The following ZNF30 variants were observed in gnomAD, a reference collection of about 807,000 sequenced individuals.
The protein encoded by ZNF30 is zinc finger protein 30 (KOX 28).
Under a neutral mutation model 13.2 loss-of-function variants are expected in ZNF30, and 15 were observed. The observed-to-expected ratio is 1.13, with a 90% CI of 0.76 to 1.75. The LOEUF (loss-of-function observed/expected upper bound fraction) is 1.75. ZNF30 is among the 40% of genes most tolerant of loss of function. ZNF30 has a pLI of 0.00. For missense variants in ZNF30, 726 were observed against 757.0 expected (o/e 0.96, Z 0.48); for synonymous variants, 223 against 256.6 (o/e 0.87, Z 1.25).
chr19:34,935,445 A>G (rs994354146), intron 4 of ZNF30, among the ~76,000 whole-genome samples: 75 of 152,048 alleles, frequency 4.9e-4, no homozygotes, highest in African/African-American at 1.7e-3. Flanking sequence ...AGCCACTTCA[A>G]ACTTTGCCAG....
At chr19:34,929,491 T>A (rs748100752) in intron 1 of ZNF30, among the ~76,000 whole-genome samples, 6 of 152,212 alleles carry the variant, frequency 3.9e-5, no homozygotes, top group Non-Finnish European at 8.8e-5. Flanking sequence ...CTCCCGTGTC[T>A]TGACCAACCT....
At chr19:34,925,754 T>G (rs902773666), upstream of ZNF30, among the ~76,000 whole-genome samples, 5 of 152,070 alleles carry the variant, frequency 3.3e-5, no homozygotes, top group Non-Finnish European at 7.4e-5. Context: ...AGCACCTCCC[T>G]TTCCCCCTTC....
chr19:34,928,252 TATAGATAG>T (rs61316053), intron 1 of ZNF30, among the ~76,000 whole-genome samples: 85 of 56,502 alleles, frequency 1.5e-3, no homozygotes, highest in South Asian at 9.9e-3. Context: ...TATATATATA[TATAGATAG>T]ATAGATAGAT....
At chr19:34,932,063 G>A in intron 3 of ZNF30, 70 bp downstream of exon 3, 1 of 1,379,670 alleles carries the variant, frequency 7.2e-7, no homozygotes, top group Non-Finnish European at 9.6e-7. Flanking sequence ...AGATTTTAGG[G>A]CTAGCTTAAG....
chr19:34,937,996 A>T (rs1282257128), intron 4 of ZNF30, among the ~76,000 whole-genome samples: 1 of 152,092 alleles, frequency 6.6e-6, no homozygotes, highest in Non-Finnish European at 1.5e-5. Context: ...GGGTTTCATC[A>T]TGTTGTCCAG....
At chr19:34,923,890 T>C (rs999428378), upstream of ZNF30, 1 of 152,214 alleles carries the variant, frequency 6.6e-6, no homozygotes. Context: ...GATAAACGTA[T>C]GGAACTTAGA....
At position 34,927,556 on chromosome 19, in the gene ZNF30, T is replaced by C. The variant is rs554887151; in HGVS notation, c.-65+340T>C. Among the ~76,000 whole-genome samples the C allele has an allele frequency of 6.8e-4, 104 of 152,346 alleles. 1 individual carries two copies. The highest frequency in any genetic ancestry group is 8.8e-5 in the Non-Finnish European group (6 of 68,036). On this transcript the variant is annotated intron_variant, in intron 1 of 4. Coordinates refer to ENST00000601142, the MANE Select transcript of ZNF30 (RefSeq NM_194325.3). ...ACACCTTTTAAAGATGAGAGCAATG[T>C]CATCTGAAAATTATCAGTGCAGGGA...
intron 4 of ZNF30, among the ~76,000 whole-genome samples, chr19:34,940,973 T>C (rs1568542781): frequency 6.6e-6 from 1 of 152,230 alleles, no homozygotes. Flanking sequence ...TTTAGAGTTT[T>C]TAAAGATTTC....
Position 34,943,965 on chromosome 19 carries a change from A to G in ZNF30, c.999A>G (p.Arg333=). ...KSFTVYGQLT[R]HQSIHTGEKP... Reference sequence around the variant, plus strand: ...TCACTGTGTATGGACAGCTTACTCGACATCAGAGTATTCATACTGGTGAGA... The same window carrying G: ...TCACTGTGTATGGACAGCTTACTCGGCATCAGAGTATTCATACTGGTGAGA... Residue 333 remains arginine, a synonymous_variant, in exon 5 of 5, where the codon CGA becomes CGG. Transcript: ENST00000601142. 6.2e-7 allele frequency: 1 copy of G among 1,613,866 alleles called. No individual in the cohort carries two copies. Among genetic ancestry groups the G allele is most frequent in the Non-Finnish European group, 8.5e-7 (1 of 1,179,958 alleles).
intron 1 of ZNF30, among the ~76,000 whole-genome samples, chr19:34,928,252 T>TATATATATATAG (rs1325117057): frequency 1.6e-3 from 88 of 56,474 alleles, no homozygotes; most frequent in South Asian, 2.0e-3. Context: ...TATATATATA[T>TATATATATATAG]ATAGATAGAT....
At chr19:34,926,298 G>C (rs1359358941), upstream of ZNF30, among the ~76,000 whole-genome samples, 1 of 152,252 alleles carries the variant, frequency 6.6e-6, no homozygotes, top group Non-Finnish European at 1.5e-5. Context: ...GCTACAGGCA[G>C]CTAATACAGA....
chr19:34,924,310 C>A (rs1040509679), upstream of ZNF30, among the ~76,000 whole-genome samples: 8 of 151,908 alleles, frequency 5.3e-5, no homozygotes, highest in South Asian at 2.1e-4. Flanking sequence ...TTAAAAATTT[C>A]TTTGACATTC....
intron 4 of ZNF30, among the ~76,000 whole-genome samples, chr19:34,940,667 C>CAAAA (rs59553578): frequency 1.3e-3 from 80 of 63,830 alleles, no homozygotes; most frequent in East Asian, 2.2e-3. Context: ...GACTCCGTCT[C>CAAAA]AAAAAAAAAA....
chr19:34,935,099 C>T (rs1042669698), intron 4 of ZNF30, among the ~76,000 whole-genome samples: 3 of 151,780 alleles, frequency 2.0e-5, no homozygotes, highest in East Asian at 1.9e-4. Context: ...GGCGTGGTGG[C>T]GGGCGCCTGT....
chr19:34,942,293 A>G (rs2151674889), intron 4 of ZNF30, among the ~76,000 whole-genome samples: 1 of 152,176 alleles, frequency 6.6e-6, no homozygotes, highest in African/African-American at 2.4e-5. Context: ...AATTACAAAA[A>G]AATTAGCTGG....
chr19:34,937,727 A>AG lies in ZNF30; in HGVS notation c.256+4004_256+4005insG, dbSNP rs1568540766. Among the ~76,000 whole-genome samples the AG allele has an allele frequency of 3.1e-3, 460 of 150,636 alleles. 4 individuals carry two copies. The highest frequency in any genetic ancestry group is 0.01 in the African/African-American group (419 of 40,904). On this transcript the variant is annotated intron_variant, in intron 4 of 4. Coordinates refer to ENST00000601142, the MANE Select transcript of ZNF30 (RefSeq NM_194325.3). ...CAGAGCAAGACCCCATCTCTTAAAA[A>AG]TAAAAAAAAAAAATAGAAGAATGAT...
intron 1 of ZNF30, among the ~76,000 whole-genome samples, chr19:34,928,252 T>TATATATATATATAGATAGATAG (rs1325117057): frequency 3.5e-5 from 2 of 56,576 alleles, no homozygotes; most frequent in Non-Finnish European, 6.0e-5. Flanking sequence ...TATATATATA[T>TATATATATATATAGATAGATAG]ATAGATAGAT....
chr19:34,928,244 T>TAGATAGATAG (rs71165692), intron 1 of ZNF30, among the ~76,000 whole-genome samples: 1 of 54,366 alleles, frequency 1.8e-5, no homozygotes, highest in Admixed American at 1.4e-4. Context: ...TATATATATA[T>TAGATAGATAG]ATATATATAT....
chr19:34,928,250 TATATAGATAGATAGATAG>T (rs1383883852), intron 1 of ZNF30, among the ~76,000 whole-genome samples: 56 of 53,454 alleles, frequency 1.0e-3, no homozygotes, highest in African/African-American at 8.9e-3. Flanking sequence ...TATATATATA[TATATAGATAGATAGATAG>T]ATAGATACAT....
Sources: allele counts gnomAD v4.1 joint callset (sites outside exome capture counted in the v4.1 genomes callset), GRCh38; gene constraint gnomAD v4.1.1; transcripts MANE v1.5; gene names NCBI Gene and HGNC (gene_info 2026-07-23, HGNC 2026-07-21).